Variants in FRMPD4 observed in about 807,000 individuals in gnomAD.
FRMPD4 encodes FERM and PDZ domain containing 4, also known as FERM and PDZ domain-containing protein 4.
In FRMPD4, 22 loss-of-function variants were observed where a neutral mutation model predicts 94.1. The ratio of observed to expected loss-of-function variants is 0.23; its 90% CI spans 0.17 to 0.33. FRMPD4 has a LOEUF of 0.33. Among genes scored for constraint, FRMPD4 ranks in the 10% least tolerant of loss-of-function variants. FRMPD4 has a pLI of 1.00. For missense variants in FRMPD4, 1,111 were observed against 1,339.9 expected (o/e 0.83, Z 2.67); for synonymous variants, 631 against 548.6 (o/e 1.15, Z -2.10).
At chrX:12,403,613 A>G (rs920980240) in intron 1 of FRMPD4, among the ~76,000 whole-genome samples, 11 of 111,282 alleles carry the variant, frequency 9.9e-5, no homozygotes, top group African/African-American at 1.3e-4. Flanking sequence ...AAAACCCTGT[A>G]TATCCTTTTG....
intron 1 of FRMPD4, among the ~76,000 whole-genome samples, chrX:12,357,624 G>C (rs768035920): frequency 4.7e-4 from 53 of 111,929 alleles, no homozygotes; most frequent in African/African-American, 1.7e-3. Context: ...ATTTACTCAG[G>C]TCTTTCTCTT....
chrX:12,557,358 G>A (rs144209085), intron 2 of FRMPD4, among the ~76,000 whole-genome samples: 2 of 111,674 alleles, frequency 1.8e-5, no homozygotes, highest in African/African-American at 6.5e-5. Context: ...GAAAGTGTCA[G>A]ACTCTCAATT....
rs1569242449 is a variant in FRMPD4, at chrX:12,351,585, CACTT to C, written c.42-147094_42-147091del. Among the ~76,000 whole-genome samples, 5 of 112,611 alleles carry C rather than the reference CACTT, an allele frequency of 4.4e-5. No individual in the cohort carries two copies. The Admixed American group carries it at 4.7e-4, about 11-fold the overall frequency. ...AAGGAATTTTCATAAAGTAAGCACA[CACTT>C]GCTTGCAGTTACATCCTAGAACAAG... On this transcript the variant is annotated intron_variant, in intron 1 of 16. Transcript: ENST00000675598.
chrX:12,597,275 G>A (rs892098376), intron 2 of FRMPD4, among the ~76,000 whole-genome samples: 5 of 112,347 alleles, frequency 4.5e-5, no homozygotes, highest in Non-Finnish European at 7.5e-5. Context: ...CACAAAGCAC[G>A]GTCAATAAAC....
chrX:12,217,538 G>C (rs1172081689), intron 1 of FRMPD4, among the ~76,000 whole-genome samples: 1 of 111,968 alleles, frequency 8.9e-6, no homozygotes, highest in African/African-American at 3.3e-5. Flanking sequence ...TCACCACATA[G>C]GTACTTGATA....
At chrX:12,043,430 C>T (rs2054768012) in intron 3 of FRMPD4, among the ~76,000 whole-genome samples, 1 of 111,157 alleles carries the variant, frequency 9.0e-6, no homozygotes, top group African/African-American at 3.3e-5. Flanking sequence ...TGAAAAAAAA[C>T]TATCTCAGGT....
intron 2 of FRMPD4, among the ~76,000 whole-genome samples, chrX:12,545,947 T>C (rs1382717942): frequency 1.8e-5 from 2 of 112,532 alleles, no homozygotes; most frequent in East Asian, 5.6e-4. Flanking sequence ...GTTTTTATCG[T>C]GCAACAGTTA....
At chrX:12,276,946 C>A (rs2054447290) in intron 1 of FRMPD4, among the ~76,000 whole-genome samples, 1 of 107,844 alleles carries the variant, frequency 9.3e-6, no homozygotes, top group African/African-American at 3.4e-5. Flanking sequence ...ATGGTGAAAC[C>A]CCGTCTCTAC....
intron 1 of FRMPD4, among the ~76,000 whole-genome samples, chrX:12,446,516 T>TTATTCCCACGTGTTG (rs2148129526): frequency 8.9e-6 from 1 of 112,173 alleles, no homozygotes; most frequent in East Asian, 2.8e-4. Flanking sequence ...GTAGCACCCA[T>TTATTCCCACGTGTTG]TATTCCCACG....
At chrX:12,482,568 T>C (rs1361113410) in intron 1 of FRMPD4, among the ~76,000 whole-genome samples, 1 of 112,097 alleles carries the variant, frequency 8.9e-6, no homozygotes, top group Non-Finnish European at 1.9e-5. Context: ...TAAAGAAATC[T>C]GTGGGAAGAG....
chrX:11,849,629 A>T (rs1335647984), intron 1 of FRMPD4, among the ~76,000 whole-genome samples: 2 of 110,852 alleles, frequency 1.8e-5, no homozygotes, highest in Non-Finnish European at 3.8e-5. Context: ...AACATGGTCA[A>T]ATGATTTTTA....
At chrX:12,053,434 A>C (rs866591669) in intron 3 of FRMPD4, among the ~76,000 whole-genome samples, 4 of 96,190 alleles carry the variant, frequency 4.2e-5, no homozygotes, top group African/African-American at 7.4e-5. Flanking sequence ...AAGAAAGAGA[A>C]AGAAAGAAGA....
At chrX:12,159,363 C>T (rs1437980001) in intron 1 of FRMPD4, among the ~76,000 whole-genome samples, 1 of 111,781 alleles carries the variant, frequency 8.9e-6, no homozygotes, top group African/African-American at 3.3e-5. Flanking sequence ...TTATGGGTGC[C>T]GTGAATAAGA....
intron 14 of FRMPD4, among the ~76,000 whole-genome samples, chrX:12,714,475 G>A (rs1466741588): frequency 9.0e-6 from 1 of 111,530 alleles, no homozygotes; most frequent in African/African-American, 3.3e-5. Context: ...CCTTAACGTT[G>A]CAAGACACTT....
intron 1 of FRMPD4, among the ~76,000 whole-genome samples, chrX:12,186,439 C>A (rs145088090): frequency 4.3e-3 from 477 of 111,041 alleles, no homozygotes; most frequent in African/African-American, 0.015. Context: ...TTAATGGAAT[C>A]TCCCAAAATA....
At chrX:12,663,965 T>C (rs934908146) in intron 4 of FRMPD4, among the ~76,000 whole-genome samples, 2 of 112,127 alleles carry the variant, frequency 1.8e-5, no homozygotes, top group Non-Finnish European at 3.8e-5. Flanking sequence ...TTTGTAGCAA[T>C]TGTGAATGGG....
chrX:12,376,096 G>A (rs1351645227), intron 1 of FRMPD4, among the ~76,000 whole-genome samples: 1 of 111,929 alleles, frequency 8.9e-6, no homozygotes, highest in Non-Finnish European at 1.9e-5. Context: ...ATGGCCCATG[G>A]GAGGCACTCT....
chrX:12,335,037 A>C (rs1239584903), intron 1 of FRMPD4, among the ~76,000 whole-genome samples: 1 of 111,679 alleles, frequency 9.0e-6, no homozygotes, highest in East Asian at 2.8e-4. Flanking sequence ...TTGGTACCTA[A>C]CTCAAGGAGT....
chrX:12,703,719 T>C (rs2041828198), intron 10 of FRMPD4, among the ~76,000 whole-genome samples: 1 of 112,093 alleles, frequency 8.9e-6, no homozygotes, highest in East Asian at 2.8e-4. Context: ...TGTTGTTTTG[T>C]TGTACATCCA....
Sources: allele counts gnomAD v4.1 joint callset (sites outside exome capture counted in the v4.1 genomes callset), GRCh38; gene constraint gnomAD v4.1.1; transcripts MANE v1.5; gene names NCBI Gene and HGNC (gene_info 2026-07-23, HGNC 2026-07-21).